ERI1: variants seen among roughly 807,000 people sequenced by gnomAD.
ERI1 encodes 3'-5' exoribonuclease 1.
Under a neutral mutation model 39.7 loss-of-function variants are expected in ERI1, and 39 were observed. The ratio of observed to expected loss-of-function variants is 0.98; its 90% CI spans 0.76 to 1.28. The LOEUF is 1.28. ERI1 is among the 50% of genes most tolerant of loss of function. The probability of loss-of-function intolerance (pLI) is 0.00; values close to 1 mark genes in which losing one functional copy is unlikely to be tolerated. For missense variants in ERI1, 581 were observed against 416.9 expected (o/e 1.39, Z -3.43); for synonymous variants, 204 against 149.6 (o/e 1.36, Z -2.65).
intron 1 of ERI1, among the ~76,000 whole-genome samples, chr8:9,003,691 ATG>A (rs1380119472): frequency 1.3e-5 from 2 of 150,020 alleles, no homozygotes. Context: ...ATAAGATTGA[ATG>A]AATCATTTTG....
chr8:9,074,832 C>A (rs2117436258), intron 3 of ERI1, among the ~76,000 whole-genome samples: 1 of 152,304 alleles, frequency 6.6e-6, no homozygotes, highest in South Asian at 2.1e-4. Flanking sequence ...ATTAATAGAG[C>A]ACATCGTCCT....
intron 3 of ERI1, among the ~76,000 whole-genome samples, chr8:9,063,930 G>C (rs1585274877): frequency 6.6e-6 from 1 of 151,470 alleles, no homozygotes; most frequent in South Asian, 2.1e-4. Flanking sequence ...GAGGGTGGAA[G>C]GTTGCCCATA....
At position 9,009,633 on chromosome 8, in the gene ERI1, G is replaced by T. The variant is rs112104017; in HGVS notation, c.287+1485G>T. Among the ~76,000 whole-genome samples the T allele has an allele frequency of 8.1e-3, 1,229 of 151,908 alleles. 16 individuals carry two copies. Among genetic ancestry groups the T allele is most frequent in the African/African-American group, 0.028 (1,162 of 41,388 alleles). On this transcript the variant is annotated intron_variant, in intron 2 of 6. Transcript: ENST00000250263. ...CGGCTCACTGCAACCTCCGACTCCT[G>T]GATTCAAGCGATTCTCGTGCCTCAG...
intron 3 of ERI1, among the ~76,000 whole-genome samples, chr8:9,073,771 C>T (rs1217282869): frequency 6.6e-6 from 1 of 152,158 alleles, no homozygotes; most frequent in South Asian, 2.1e-4. Flanking sequence ...TAATCTTTCT[C>T]TATGCAATCA....
At chr8:9,042,184 A>G (rs1295031096) in intron 3 of ERI1, among the ~76,000 whole-genome samples, 4 of 152,230 alleles carry the variant, frequency 2.6e-5, no homozygotes, top group African/African-American at 9.6e-5. Flanking sequence ...GTCTGCACAG[A>G]AAAGAGAAGG....
At chr8:9,082,811 C>T (rs564520114) in intron 3 of ERI1, among the ~76,000 whole-genome samples, 23 of 152,064 alleles carry the variant, frequency 1.5e-4, no homozygotes, top group African/African-American at 5.3e-4. Flanking sequence ...ATGAGATGCC[C>T]GAAGAGTCAT....
chr8:9,068,738 G>A (rs1162039241), intron 3 of ERI1, among the ~76,000 whole-genome samples: 1 of 152,184 alleles, frequency 6.6e-6, no homozygotes, highest in East Asian at 1.9e-4. Context: ...CTTCCTGAGA[G>A]CAGAGAGCTG....
intron 3 of ERI1, among the ~76,000 whole-genome samples, chr8:9,073,992 C>T (rs913608964): frequency 1.3e-5 from 2 of 152,120 alleles, no homozygotes; most frequent in East Asian, 1.9e-4. Flanking sequence ...TGCTATGTTG[C>T]CCAAACTGGT....
chr8:9,078,958 T>TA (rs561881647), intron 3 of ERI1, among the ~76,000 whole-genome samples: 9 of 151,796 alleles, frequency 5.9e-5, no homozygotes, highest in Non-Finnish European at 7.4e-5. Context: ...TTTATCAGGA[T>TA]AAAAAAAATG....
intron 3 of ERI1, among the ~76,000 whole-genome samples, chr8:9,080,255 C>G (rs1290546439): frequency 6.6e-6 from 1 of 152,190 alleles, no homozygotes; most frequent in African/African-American, 2.4e-5. Flanking sequence ...AGAGGACTTG[C>G]ATTCCTCAGA....
At chr8:9,006,793 C>G (rs567065727) in intron 1 of ERI1, among the ~76,000 whole-genome samples, 2 of 152,208 alleles carry the variant, frequency 1.3e-5, no homozygotes, top group Admixed American at 1.3e-4. Context: ...GTGAGTCACT[C>G]TTGAGTACTC....
intron 3 of ERI1, among the ~76,000 whole-genome samples, chr8:9,086,973 TG>T (rs1282495333): frequency 1.3e-5 from 2 of 152,204 alleles, no homozygotes; most frequent in Non-Finnish European, 2.9e-5. Flanking sequence ...TAGTTAGTGC[TG>T]GGCGGTAGGA....
chr8:9,030,781 A>G lies in ERI1; in HGVS notation c.*747A>G, dbSNP rs1215406070. 1.3e-5 allele frequency: 2 copies of G among 152,158 alleles called. No homozygotes were observed. The highest frequency in any genetic ancestry group is 2.9e-5 in the Non-Finnish European group (2 of 67,992). The allele number at this position is 152,158 out of a possible 1,614,324, so 9.4% of individuals were successfully genotyped here. ...TTCGCCTTCCTTTTTTGACATATGT[A>G]TGCCTTAATTCTTAAATCTGAGGGA... On this transcript the variant is annotated 3_prime_UTR_variant, in exon 7 of 7. Coordinates refer to ENST00000250263, the MANE Select transcript of ERI1 (RefSeq NM_153332.4).
chr8:9,007,826 G>A (rs1816183828), intron 1 of ERI1, 144 bp from the exon 2 acceptor site: 2 of 1,236,802 alleles, frequency 1.6e-6, no homozygotes, highest in South Asian at 1.8e-5. Context: ...CCTCCGTTTA[G>A]GAGCTGCAGT....
intron 3 of ERI1, among the ~76,000 whole-genome samples, chr8:9,056,942 T>C (rs1306770693): frequency 1.3e-5 from 2 of 152,116 alleles, no homozygotes; most frequent in Admixed American, 6.5e-5. Flanking sequence ...CAAGTGATTC[T>C]TCTACCTCAG....
chr8:9,034,857 A>T (rs1451805701), downstream of ERI1, among the ~76,000 whole-genome samples: 3 of 152,242 alleles, frequency 2.0e-5, no homozygotes, highest in Non-Finnish European at 4.4e-5. Flanking sequence ...CCCAAAGGAA[A>T]AGTTGTTGAA....
chr8:9,052,287 C>T (rs571976609), intron 3 of ERI1, among the ~76,000 whole-genome samples: 1 of 151,994 alleles, frequency 6.6e-6, no homozygotes, highest in African/African-American at 2.4e-5. Flanking sequence ...TTCTTCCATT[C>T]TTCCGTGTCC....
chr8:9,041,803 C>T (rs1463414839), intron 3 of ERI1, among the ~76,000 whole-genome samples: 8 of 152,274 alleles, frequency 5.3e-5, no homozygotes, highest in African/African-American at 1.2e-4. Context: ...GGCGTGATCT[C>T]GGCTGACTTC....
rs1797566566 is a variant in ERI1 at position 9,031,235 on chromosome 8, C to T, written c.*1201C>T. On this transcript the variant is annotated 3_prime_UTR_variant, in exon 7 of 7. Transcript: ENST00000250263. ...TTATATTTTATAACCAGATGAATTT[C>T]CTCAAAGGTTTCCAAACCTATATCA... 6.6e-6 allele frequency: 1 copy of T among 152,102 alleles called. No homozygotes were observed. The highest frequency in any genetic ancestry group is 1.5e-5 in the Non-Finnish European group (1 of 68,014). 9.4% of individuals were successfully genotyped at this position (152,102 alleles called of 1,614,324 possible).
Sources: allele counts gnomAD v4.1 joint callset (sites outside exome capture counted in the v4.1 genomes callset), GRCh38; gene constraint gnomAD v4.1.1; transcripts MANE v1.5; gene names NCBI Gene and HGNC (gene_info 2026-07-23, HGNC 2026-07-21).